RHPN2: variants seen among roughly 807,000 people sequenced by gnomAD.
The protein encoded by RHPN2 is rhophilin-2.
In RHPN2, 40 loss-of-function variants were observed where a neutral mutation model predicts 79.0. That is an observed-to-expected ratio of 0.51 (90% CI 0.39 to 0.66). RHPN2 has a LOEUF of 0.66. Among genes scored for constraint, RHPN2 ranks in the 30% least tolerant of loss-of-function variants. RHPN2 has a pLI of 0.00. For missense variants in RHPN2, 686 were observed against 883.5 expected (o/e 0.78, Z 2.83); for synonymous variants, 285 against 363.5 (o/e 0.78, Z 2.46).
Position 33,039,666 on chromosome 19 carries a change from C to T in RHPN2, c.185+4583G>A, listed in dbSNP as rs149721976. 4.3e-3 allele frequency among the ~76,000 whole-genome samples: 656 copies of T among 152,046 alleles called. 5 individuals carry two copies. Among genetic ancestry groups the T allele is most frequent in the African/African-American group, 0.014 (576 of 41,480 alleles). On this transcript the variant is annotated intron_variant, in intron 2 of 14. Coordinates refer to ENST00000254260, the MANE Select transcript of RHPN2 (RefSeq NM_033103.5). ...CAGCTTGGCCAACATGGCAAAACCT[C>T]GTCTCTACTAAAAATACAAAAATTA...
intron 4 of RHPN2, among the ~76,000 whole-genome samples, chr19:33,018,975 G>A (rs1971900815): frequency 6.7e-6 from 1 of 148,248 alleles, no homozygotes; most frequent in Non-Finnish European, 1.5e-5. Context: ...AGGTTGCAGT[G>A]AGCCGAGATG....
chr19:33,057,069 G>A (rs529691049), intron 1 of RHPN2, among the ~76,000 whole-genome samples: 18 of 149,620 alleles, frequency 1.2e-4, no homozygotes, highest in Admixed American at 9.4e-4. Context: ...GCAGTGAGCC[G>A]AGATGGTGCC....
intron 1 of RHPN2, among the ~76,000 whole-genome samples, chr19:33,048,731 A>AAAAAAAAAAG (rs1738425598): frequency 6.6e-6 from 1 of 150,988 alleles, no homozygotes; most frequent in Non-Finnish European, 1.5e-5. Context: ...GTCTCAAAAA[A>AAAAAAAAAAG]AAAAAAAAAA....
At chr19:33,031,867 C>T (rs1972015391) in intron 2 of RHPN2, among the ~76,000 whole-genome samples, 3 of 151,258 alleles carry the variant, frequency 2.0e-5, no homozygotes, top group African/African-American at 7.3e-5. Flanking sequence ...CTACAGGCGC[C>T]CGCCACCACG....
At chr19:33,017,207 T>A (rs143314463) in intron 4 of RHPN2, among the ~76,000 whole-genome samples, 1 of 151,814 alleles carries the variant, frequency 6.6e-6, no homozygotes, top group African/African-American at 2.4e-5. Context: ...GGTGAAACCA[T>A]GTCTCTACTA....
At chr19:33,057,968 T>A (rs988938577) in intron 1 of RHPN2, among the ~76,000 whole-genome samples, 6 of 152,060 alleles carry the variant, frequency 3.9e-5, no homozygotes, top group African/African-American at 1.2e-4. Flanking sequence ...AGGACCAGCC[T>A]GGACAACATA....
rs374186461 is a variant in RHPN2, at chr19:33,035,815, C to T, written c.185+8434G>A. 3.9e-5 allele frequency among the ~76,000 whole-genome samples: 6 copies of T among 152,274 alleles called. No homozygotes were observed. In the South Asian group the frequency reaches 6.2e-4, roughly 16 times the overall value. On this transcript the variant is annotated intron_variant, in intron 2 of 14. Transcript: ENST00000254260. ...AGAACAAAGGCATTCCTCAATTTTG[C>T]TTTAAAGATAATAATATCGGGCCGG...
intron 2 of RHPN2, among the ~76,000 whole-genome samples, chr19:33,030,518 G>A (rs972548719): frequency 6.6e-6 from 1 of 152,028 alleles, no homozygotes; most frequent in African/African-American, 2.4e-5. Context: ...GCTTGAACCC[G>A]GGAGGTGGAG....
Position 33,040,383 on chromosome 19 carries a change from C to T in RHPN2, c.185+3866G>A, listed in dbSNP as rs59119350. On this transcript the variant is annotated intron_variant, in intron 2 of 14. Transcript: ENST00000254260. ...TCCCGAGTAGCTGGGATTACGGGCA[C>T]GTGCCACCACACCCGGCTAATTTTT... is the stretch of plus-strand genomic sequence containing the variant. Among the ~76,000 whole-genome samples the T allele has an allele frequency of 2.6e-5, 4 of 151,792 alleles. No individual in the cohort carries two copies. The East Asian group carries it at 5.9e-4, about 22-fold the overall frequency.
At chr19:33,020,435 C>T (rs928593820) in intron 4 of RHPN2, among the ~76,000 whole-genome samples, 1 of 145,102 alleles carries the variant, frequency 6.9e-6, no homozygotes, top group Non-Finnish European at 1.5e-5. Flanking sequence ...AAGCGACTCT[C>T]TCGTGCCTCA....
At chr19:33,040,884 G>A (rs1209559164) in intron 2 of RHPN2, among the ~76,000 whole-genome samples, 1 of 152,114 alleles carries the variant, frequency 6.6e-6, no homozygotes, top group Non-Finnish European at 1.5e-5. Context: ...AATCCAGGAG[G>A]TGGAGGTTGC....
intron 2 of RHPN2, among the ~76,000 whole-genome samples, chr19:33,034,832 G>T (rs1213153980): frequency 6.6e-6 from 1 of 150,774 alleles, no homozygotes; most frequent in East Asian, 2.0e-4. Context: ...GGTGAAGTGG[G>T]TCATTCCTAT....
chr19:33,037,425 A>G (rs1599829346), intron 2 of RHPN2, among the ~76,000 whole-genome samples: 1 of 152,236 alleles, frequency 6.6e-6, no homozygotes, highest in African/African-American at 2.4e-5. Context: ...TGCCTGAGCC[A>G]GCAGTAGCAA....
At chr19:33,042,348 C>T (rs1287678297) in intron 2 of RHPN2, among the ~76,000 whole-genome samples, 1 of 152,170 alleles carries the variant, frequency 6.6e-6, no homozygotes, top group Non-Finnish European at 1.5e-5. Context: ...ACAAAACATA[C>T]CACGGCCTTC....
At position 33,012,748 on chromosome 19, in the gene RHPN2, G is replaced by A. The variant is rs774663425; in HGVS notation, c.391-24C>T. The A allele has an allele frequency of 2.2e-6, 3 of 1,348,950 alleles. No homozygotes were observed. In the East Asian group the frequency reaches 6.9e-5, roughly 31 times the overall value. 83.6% of individuals were successfully genotyped at this position (1,348,950 alleles called of 1,614,324 possible). A position where few individuals can be genotyped will look rare whatever the true frequency, so the allele number is the denominator to read the frequency against. On this transcript the variant is annotated intron_variant, in intron 4 of 14. Coordinates refer to ENST00000254260, the MANE Select transcript of RHPN2 (RefSeq NM_033103.5). The stretch of plus-strand genomic sequence containing the variant: ...TCCTTAAAGAAAAATGAGGTCAGAT[G>A]TTATAAAGTGTGGCTGAAAACCATA...
intron 13 of RHPN2, 50 bp from the exon 14 acceptor site, chr19:32,990,719 T>C: frequency 6.2e-7 from 1 of 1,608,642 alleles, no homozygotes; most frequent in South Asian, 1.1e-5. Context: ...ACTCAAATCC[T>C]TGAATCAGTC....
At chr19:33,045,355 CTTTT>C (rs1972133865) in intron 1 of RHPN2, among the ~76,000 whole-genome samples, 1 of 151,946 alleles carries the variant, frequency 6.6e-6, no homozygotes, top group African/African-American at 2.4e-5. Context: ...GCCTGGCCTA[CTTTT>C]TTTATTTAGT....
chr19:33,016,077 C>G (rs1460786295), intron 4 of RHPN2, among the ~76,000 whole-genome samples: 1 of 137,774 alleles, frequency 7.3e-6, no homozygotes, highest in Non-Finnish European at 1.6e-5. Flanking sequence ...CAAACAAAAC[C>G]TAACAGAGAA....
intron 1 of RHPN2, 120 bp downstream of exon 1, chr19:33,064,664 G>T: frequency 1.9e-6 from 2 of 1,044,262 alleles, no homozygotes; most frequent in South Asian, 1.6e-5. Flanking sequence ...GGCCCAGTGC[G>T]CCCCCTCCCC....
Sources: gnomAD v4.1 joint callset for allele counts (sites outside exome capture counted in the v4.1 genomes callset) on GRCh38, gnomAD v4.1.1 for gene constraint, MANE v1.5 for transcripts, NCBI Gene and HGNC (gene_info 2026-07-23, HGNC 2026-07-21) for gene names.